WNT2: variants seen among roughly 807,000 people sequenced by gnomAD.
The protein encoded by WNT2 is Wnt family member 2, also known as protein Wnt-2.
A neutral mutation model predicts 36.9 loss-of-function variants in WNT2; 12 were observed. The ratio of observed to expected loss-of-function variants is 0.33; its 90% confidence interval spans 0.21 to 0.53. The LOEUF (loss-of-function observed/expected upper bound fraction) is 0.53, where lower values mean the gene tolerates loss of function less well. Ranked by LOEUF, WNT2 falls within the 20% of genes least tolerant of loss-of-function variation. WNT2 has a pLI of 0.95. For synonymous variants in WNT2, 163 were observed against 174.6 expected, an observed-to-expected ratio of 0.93 and a Z score of 0.52; for missense variants, 379 against 473.1, an observed-to-expected ratio of 0.80 and a Z score of 1.84.
At chr7:117,304,544 T>C (rs2116369260) in intron 3 of WNT2, among the ~76,000 whole-genome samples, 1 of 150,664 alleles carries the variant, frequency 6.6e-6, no homozygotes, top group East Asian at 2.0e-4. Flanking sequence ...CAAACAACTC[T>C]CCTGCCTCAG....
At chr7:117,317,128 T>A (rs1272270535) in intron 2 of WNT2, among the ~76,000 whole-genome samples, 3 of 152,208 alleles carry the variant, frequency 2.0e-5, no homozygotes, top group Non-Finnish European at 4.4e-5. Context: ...TATGTAGCAC[T>A]AGTCTTATTT....
chr7:117,296,341 C>A (rs1794789903), intron 4 of WNT2, among the ~76,000 whole-genome samples: 1 of 152,192 alleles, frequency 6.6e-6, no homozygotes, highest in Admixed American at 6.5e-5. Flanking sequence ...ACTAGCTCAT[C>A]AAACCATGAA....
intron 2 of WNT2, among the ~76,000 whole-genome samples, chr7:117,317,812 T>C (rs551698293): frequency 6.6e-6 from 1 of 152,322 alleles, no homozygotes; most frequent in South Asian, 2.1e-4. Flanking sequence ...GATTGTTACC[T>C]AGGAAGGCAA....
intron 4 of WNT2, among the ~76,000 whole-genome samples, chr7:117,289,245 A>AGACG (rs1218911309): frequency 6.6e-6 from 1 of 151,842 alleles, no homozygotes; most frequent in Non-Finnish European, 1.5e-5. Context: ...TTTTTAGTAG[A>AGACG]GACGGGGTTT....
rs1271349222 is a variant in WNT2, at chr7:117,284,985, T to C, written c.854-6601A>G. 5.3e-5 allele frequency among the ~76,000 whole-genome samples: 8 copies of C among 152,230 alleles called. No individual in the cohort carries two copies. The highest frequency in any genetic ancestry group is 2.1e-4 in the South Asian group (1 of 4,832). ...TTCTGACCCTTTGCCGAGTGCCCAG[T>C]CCTGGTGCCCGGCCAGGCACCAGAA... On this transcript the variant is annotated intron_variant, in intron 4 of 4. Transcript: ENST00000265441. The surrounding 1 kb of genome is among the most constrained non-coding windows in gnomAD (Gnocchi z 5.2).
intron 4 of WNT2, among the ~76,000 whole-genome samples, chr7:117,293,057 G>A (rs1194622969): frequency 1.3e-5 from 2 of 152,038 alleles, no homozygotes; most frequent in African/African-American, 2.4e-5. Context: ...AGGAGTCGGA[G>A]CCTGCGGTAA....
Position 117,297,699 on chromosome 7 carries a change from C to A in WNT2, c.766G>T (p.Ala256Ser). ...MNQDGTGFTV[A>S]NERFKKPTKN... Reference sequence around the variant, plus strand: ...GTTGGCTTCTTAAACCTCTCGTTAGCCACAGTGAAACCTGTGCCATCCTGG... The same window carrying A: ...GTTGGCTTCTTAAACCTCTCGTTAGACACAGTGAAACCTGTGCCATCCTGG... Residue 256 changes from alanine (A) to serine (S), a missense_variant, in exon 4 of 5, where the codon GCT becomes TCT. Coordinates refer to ENST00000265441, the MANE Select transcript of WNT2 (RefSeq NM_003391.3). The A allele has an allele frequency of 6.2e-7, 1 of 1,614,160 alleles. No homozygotes were observed. Among genetic ancestry groups the A allele is most frequent in the Middle Eastern group, 1.6e-4 (1 of 6,062 alleles).
chr7:117,279,697 A>G (rs1794446851), intron 4 of WNT2, among the ~76,000 whole-genome samples: 1 of 152,142 alleles, frequency 6.6e-6, no homozygotes, highest in African/African-American at 2.4e-5. Context: ...TTGAGTTCCT[A>G]GAGACTCTGT....
At chr7:117,296,302 T>C (rs955662784) in intron 4 of WNT2, among the ~76,000 whole-genome samples, 1 of 152,216 alleles carries the variant, frequency 6.6e-6, no homozygotes, top group Admixed American at 6.5e-5. Context: ...CTGGGCTGCA[T>C]GTAGCAACCT....
chr7:117,301,802 CTT>C (rs1181700612), intron 3 of WNT2, among the ~76,000 whole-genome samples: 13 of 112,504 alleles, frequency 1.2e-4, no homozygotes, highest in African/African-American at 2.9e-4. Flanking sequence ...TCCCTCCATT[CTT>C]TTTTTTTTTT....
chr7:117,286,812 T>C (rs569535135), intron 4 of WNT2, among the ~76,000 whole-genome samples: 1 of 152,336 alleles, frequency 6.6e-6, no homozygotes, highest in African/African-American at 2.4e-5. Context: ...TTATTCAGTG[T>C]TTTCGTAAGT....
rs1015521133 is a variant in WNT2, at chr7:117,275,570, C to G, written c.*2585G>C. 6.6e-6 allele frequency among the ~76,000 whole-genome samples: 1 copy of G among 151,998 alleles called. No homozygotes were observed. Among genetic ancestry groups the G allele is most frequent in the Admixed American group, 6.5e-5 (1 of 15,268 alleles). ...AAGAGGGAATTTATAAGGGGATTTCCCAATTATTTTGTTTTGGCTAATTTG... is the reference window on the plus strand; with the variant it reads ...AAGAGGGAATTTATAAGGGGATTTCGCAATTATTTTGTTTTGGCTAATTTG... On this transcript the variant is annotated 3_prime_UTR_variant, in exon 5 of 5. Transcript: ENST00000265441.
intron 4 of WNT2, among the ~76,000 whole-genome samples, chr7:117,281,627 C>A (rs902725122): frequency 6.6e-6 from 1 of 151,936 alleles, no homozygotes; most frequent in Non-Finnish European, 1.5e-5. Flanking sequence ...AAAACTAGGT[C>A]GCGAAGGTAA....
Position 117,279,459 on chromosome 7 carries a change from G to C in WNT2, c.854-1075C>G, listed in dbSNP as rs552964430. Among the ~76,000 whole-genome samples, 13 of 152,270 alleles carry C rather than the reference G, an allele frequency of 8.5e-5. No homozygotes were observed. In the East Asian group the frequency reaches 2.5e-3, roughly 29 times the overall value. ...GCTGGGCCAATCAGGTAAATTCTCT[G>C]TTGATTTGTGATTTTGACACAGATG... is the stretch of plus-strand genomic sequence containing the variant. On this transcript the variant is annotated intron_variant, in intron 4 of 4. Coordinates refer to ENST00000265441, the MANE Select transcript of WNT2 (RefSeq NM_003391.3).
At chr7:117,292,679 C>T (rs1377577150) in intron 4 of WNT2, among the ~76,000 whole-genome samples, 1 of 152,154 alleles carries the variant, frequency 6.6e-6, no homozygotes, top group Non-Finnish European at 1.5e-5. Flanking sequence ...TCAGTAAAAG[C>T]TTTGATGGCT....
intron 4 of WNT2, among the ~76,000 whole-genome samples, chr7:117,297,119 A>G (rs1263585420): frequency 6.6e-6 from 1 of 152,164 alleles, no homozygotes; most frequent in East Asian, 1.9e-4. Context: ...AATTTTGCTA[A>G]TCTGCGTATC....
In WNT2 at chr7:117,322,862, C is replaced by T; in HGVS notation, c.83+45G>A. ...GGGTCTATGTGGCCAATGCGGTCCCCATTCCGATCTCCAAAATCCCCCGCG... is the reference window on the plus strand; with the variant it reads ...GGGTCTATGTGGCCAATGCGGTCCCTATTCCGATCTCCAAAATCCCCCGCG... On this transcript the variant is annotated intron_variant, in intron 1 of 4. Coordinates refer to ENST00000265441, the MANE Select transcript of WNT2 (RefSeq NM_003391.3). This position sits in a 1 kb window ranked among gnomAD's most constrained non-coding sequence, Gnocchi z 5.4. The T allele has an allele frequency of 6.3e-7, 1 of 1,589,036 alleles. No homozygotes were observed. Among genetic ancestry groups the T allele is most frequent in the Non-Finnish European group, 8.6e-7 (1 of 1,164,092 alleles).
At chr7:117,293,371 C>G (rs1205573194) in intron 4 of WNT2, among the ~76,000 whole-genome samples, 1 of 152,068 alleles carries the variant, frequency 6.6e-6, no homozygotes, top group Non-Finnish European at 1.5e-5. Flanking sequence ...TAATAATGTT[C>G]AACCTGCTCA....
At chr7:117,311,993 T>A (rs1795130143) in intron 3 of WNT2, among the ~76,000 whole-genome samples, 1 of 152,188 alleles carries the variant, frequency 6.6e-6, no homozygotes, top group African/African-American at 2.4e-5. Flanking sequence ...CCTCTTATTC[T>A]TATGGAAATT....
Sources: gnomAD v4.1 joint callset for allele counts (sites outside exome capture counted in the v4.1 genomes callset) on GRCh38, gnomAD v4.1.1 for gene constraint, Gnocchi (gnomAD v3.1) non-coding constraint, MANE v1.5 for transcripts, NCBI Gene and HGNC (gene_info 2026-07-23, HGNC 2026-07-21) for gene names.